CEP128: variants seen among roughly 807,000 people sequenced by gnomAD.
CEP128 encodes the protein centrosomal protein 128, also known as centrosomal protein 128kDa.
Under a neutral mutation model 156.7 loss-of-function variants are expected in CEP128, and 132 were observed. The ratio of observed to expected loss-of-function variants is 0.84; its 90% CI spans 0.73 to 0.97. The LOEUF is 0.97. Ranked by LOEUF, CEP128 falls within the 50% of genes least tolerant of loss-of-function variation. The pLI is 0.00. For missense variants in CEP128, 1,252 were observed against 1,281.9 expected, an observed-to-expected ratio of 0.98 and a Z score of 0.36; for synonymous variants, 469 against 448.9, an observed-to-expected ratio of 1.04 and a Z score of -0.57.
chr14:80,744,883 G>C (rs967185078), intron 18 of CEP128, among the ~76,000 whole-genome samples: 1 of 152,122 alleles, frequency 6.6e-6, no homozygotes, highest in Non-Finnish European at 1.5e-5. Context: ...GAGAATACTG[G>C]GGTCCCAACT....
At chr14:80,847,793 T>C (rs1205541737) in intron 9 of CEP128, among the ~76,000 whole-genome samples, 3 of 152,208 alleles carry the variant, frequency 2.0e-5, no homozygotes, top group Non-Finnish European at 4.4e-5. Flanking sequence ...AACATCTCTA[T>C]TTCCTCAACT....
chr14:80,604,368 C>G (rs1467773473), intron 19 of CEP128, among the ~76,000 whole-genome samples: 1 of 152,044 alleles, frequency 6.6e-6, no homozygotes, highest in Non-Finnish European at 1.5e-5. Flanking sequence ...TTAATATCCT[C>G]GATGGATATG....
chr14:80,900,859 A>G (rs1189428181), intron 6 of CEP128, among the ~76,000 whole-genome samples: 1 of 152,240 alleles, frequency 6.6e-6, no homozygotes, highest in Non-Finnish European at 1.5e-5. Flanking sequence ...CAGTGTCAGG[A>G]TATGTATGAA....
chr14:80,656,689 A>C (rs1168311279), intron 19 of CEP128, among the ~76,000 whole-genome samples: 1 of 152,136 alleles, frequency 6.6e-6, no homozygotes, highest in Non-Finnish European at 1.5e-5. Context: ...AATCAAAAGA[A>C]GACCAAATAT....
rs7158309 is a variant in CEP128 at position 80,752,020 on chromosome 14, T to C, written c.2613+4872A>G. Among the ~76,000 whole-genome samples, 797 of 152,272 alleles carry C rather than the reference T, an allele frequency of 5.2e-3. 9 individuals are homozygous for C. The highest frequency in any genetic ancestry group is 0.018 in the African/African-American group (767 of 41,534). On this transcript the variant is annotated intron_variant, in intron 18 of 24. Transcript: ENST00000555265. ...TAAGTATCTAGTAAAACTACCAAGA[T>C]GAACTTTTTAATCTGTGAGAATCCT... is the stretch of plus-strand genomic sequence containing the variant.
chr14:80,802,795 T>C (rs891069026), intron 13 of CEP128, among the ~76,000 whole-genome samples: 2 of 152,180 alleles, frequency 1.3e-5, no homozygotes, highest in Non-Finnish European at 2.9e-5. Context: ...TTGAGAAAGA[T>C]TAATCACCAA....
At chr14:80,900,703 G>A (rs1168747088) in intron 6 of CEP128, among the ~76,000 whole-genome samples, 2 of 152,126 alleles carry the variant, frequency 1.3e-5, no homozygotes, top group Non-Finnish European at 2.9e-5. Flanking sequence ...AACAATCATA[G>A]ATACCTACGC....
At chr14:80,949,640 T>G (rs760711944) in intron 2 of CEP128, among the ~76,000 whole-genome samples, 1 of 152,210 alleles carries the variant, frequency 6.6e-6, no homozygotes, top group African/African-American at 2.4e-5. Flanking sequence ...CTAGATTATA[T>G]GCTGTGCTAG....
At chr14:80,808,421 C>T (rs1884310655) in intron 13 of CEP128, among the ~76,000 whole-genome samples, 1 of 152,250 alleles carries the variant, frequency 6.6e-6, no homozygotes, top group South Asian at 2.1e-4. Context: ...GAACCCTGTA[C>T]TGTACCTACC....
At chr14:80,535,773 A>G (rs1161444021) in intron 21 of CEP128, among the ~76,000 whole-genome samples, 1 of 152,232 alleles carries the variant, frequency 6.6e-6, no homozygotes, top group African/African-American at 2.4e-5. Context: ...GGTGTTTCAA[A>G]TAAATGTTGG....
At chr14:80,884,931 T>G (rs549503000) in intron 8 of CEP128, among the ~76,000 whole-genome samples, 1 of 152,294 alleles carries the variant, frequency 6.6e-6, no homozygotes, top group African/African-American at 2.4e-5. Context: ...GCTGCCAGCA[T>G]AGCAGTCTGA....
At chr14:80,864,812 C>T (rs1887690115) in intron 8 of CEP128, among the ~76,000 whole-genome samples, 1 of 152,172 alleles carries the variant, frequency 6.6e-6, no homozygotes, top group South Asian at 2.1e-4. Context: ...CCACCTTGGC[C>T]TCCCAAAATG....
At chr14:80,835,206 C>A (rs909931743) in intron 12 of CEP128, among the ~76,000 whole-genome samples, 8 of 152,178 alleles carry the variant, frequency 5.3e-5, no homozygotes, top group Admixed American at 3.9e-4. Flanking sequence ...CCCCAGAATT[C>A]CAGCAGATGC....
chr14:80,700,925 T>C (rs192632405), intron 19 of CEP128, among the ~76,000 whole-genome samples: 56 of 152,230 alleles, frequency 3.7e-4, no homozygotes, highest in Admixed American at 3.3e-3. Context: ...GAATAGGATA[T>C]CACATATAGG....
At chr14:80,820,837 C>T (rs1885125156) in intron 13 of CEP128, among the ~76,000 whole-genome samples, 1 of 152,006 alleles carries the variant, frequency 6.6e-6, no homozygotes, top group Admixed American at 6.5e-5. Flanking sequence ...CACAAGTTTG[C>T]CAAATTTATT....
At chr14:80,674,754 G>T (rs186392267) in intron 19 of CEP128, among the ~76,000 whole-genome samples, 20 of 152,074 alleles carry the variant, frequency 1.3e-4, no homozygotes, top group Admixed American at 7.9e-4. Context: ...CATATATACC[G>T]CCATGGAACT....
intron 19 of CEP128, among the ~76,000 whole-genome samples, chr14:80,614,922 A>G (rs1422588701): frequency 6.6e-6 from 1 of 152,210 alleles, no homozygotes; most frequent in Non-Finnish European, 1.5e-5. Flanking sequence ...TGCATATAGC[A>G]AAGGTTATCA....
intron 19 of CEP128, among the ~76,000 whole-genome samples, chr14:80,741,170 C>T (rs1174251222): frequency 6.6e-6 from 1 of 151,908 alleles, no homozygotes; most frequent in Non-Finnish European, 1.5e-5. Flanking sequence ...AAGAAAATTG[C>T]CTTCTATATT....
intron 19 of CEP128, 54 bp downstream of exon 19, chr14:80,743,021 A>C (rs1339414260): frequency 1.3e-6 from 2 of 1,513,080 alleles, no homozygotes; most frequent in Admixed American, 3.4e-5. Flanking sequence ...CAATCCTAGG[A>C]TTAGGATTCC....
Sources: gnomAD v4.1 joint callset for allele counts (sites outside exome capture counted in the v4.1 genomes callset) on GRCh38, gnomAD v4.1.1 for gene constraint, MANE v1.5 for transcripts, NCBI Gene and HGNC (gene_info 2026-07-23, HGNC 2026-07-21) for gene names.